Variants in LYZL4 observed in about 807,000 individuals in gnomAD.
LYZL4 encodes lysozyme like 4, also known as lysozyme-like protein 4.
LYZL4 carries 13 observed loss-of-function variants against 17.6 expected under a neutral mutation model. The ratio of observed to expected loss-of-function variants is 0.74; its 90% confidence interval spans 0.48 to 1.18. LYZL4 has a LOEUF of 1.18. Ranked by LOEUF, LYZL4 falls within the 50% of genes most tolerant of loss-of-function variation. LYZL4 has a pLI of 0.00. For missense variants in LYZL4, 174 were observed against 188.2 expected (o/e 0.92, Z 0.44); for synonymous variants, 64 against 67.7 (o/e 0.95, Z 0.27).
the LYZL4 span, among the ~76,000 whole-genome samples, chr3:42,371,951 C>A: frequency 6.6e-6 from 1 of 152,208 alleles, no homozygotes; most frequent in Non-Finnish European, 1.5e-5. Flanking sequence ...CGTTCCTGTG[C>A]CAACCTCCAC....
At chr3:42,379,259 C>A in the LYZL4 span, among the ~76,000 whole-genome samples, 1 of 152,188 alleles carries the variant, frequency 6.6e-6, no homozygotes, top group Non-Finnish European at 1.5e-5. Context: ...GCTGTTCATT[C>A]TTCTCCACTT....
the LYZL4 span, among the ~76,000 whole-genome samples, chr3:42,390,609 C>T: frequency 1.1e-4 from 16 of 151,820 alleles, no homozygotes; most frequent in Non-Finnish European, 2.1e-4. Context: ...GGCACGATCT[C>T]GGCTCACTGA....
chr3:42,365,151 C>T, the LYZL4 span, among the ~76,000 whole-genome samples: 2 of 152,038 alleles, frequency 1.3e-5, no homozygotes, highest in Non-Finnish European at 2.9e-5. Flanking sequence ...TTGGATAAAC[C>T]AGCTATAAAG....
At chr3:42,399,803 C>T (rs746402357) in intron 4 of LYZL4, among the ~76,000 whole-genome samples, 1 of 152,138 alleles carries the variant, frequency 6.6e-6, no homozygotes, top group Non-Finnish European at 1.5e-5. Flanking sequence ...AGTTTTTCAA[C>T]GAGCACATAG....
chr3:42,373,716 C>T, the LYZL4 span, among the ~76,000 whole-genome samples: 1 of 152,134 alleles, frequency 6.6e-6, no homozygotes, highest in Non-Finnish European at 1.5e-5. Context: ...CAGAAAGTGG[C>T]TGAATTCTGT....
chr3:42,380,226 T>A, the LYZL4 span, among the ~76,000 whole-genome samples: 1 of 152,232 alleles, frequency 6.6e-6, no homozygotes, highest in Non-Finnish European at 1.5e-5. Context: ...GGGGTCCATG[T>A]CTGCATTTCA....
At chr3:42,372,196 T>C in the LYZL4 span, among the ~76,000 whole-genome samples, 2 of 152,166 alleles carry the variant, frequency 1.3e-5, no homozygotes, top group Non-Finnish European at 2.9e-5. Flanking sequence ...GTGAGCATCA[T>C]GTGATGGGAT....
At chr3:42,387,565 TC>T in the LYZL4 span, among the ~76,000 whole-genome samples, 1 of 151,574 alleles carries the variant, frequency 6.6e-6, no homozygotes, top group African/African-American at 2.4e-5. Flanking sequence ...ACATGCCGCC[TC>T]CCCCCAACCC....
the LYZL4 span, among the ~76,000 whole-genome samples, chr3:42,381,042 A>G: frequency 6.6e-6 from 1 of 152,056 alleles, no homozygotes; most frequent in African/African-American, 2.4e-5. Flanking sequence ...AAAGTGAAAA[A>G]CTCAATGTTG....
At chr3:42,367,875 C>A in the LYZL4 span, among the ~76,000 whole-genome samples, 1 of 152,146 alleles carries the variant, frequency 6.6e-6, no homozygotes, top group African/African-American at 2.4e-5. Context: ...GAACACCCAA[C>A]AAAGCATAAG....
chr3:42,380,864 G>C, the LYZL4 span, among the ~76,000 whole-genome samples: 1 of 152,228 alleles, frequency 6.6e-6, no homozygotes, highest in African/African-American at 2.4e-5. Flanking sequence ...TTGGCCCCAT[G>C]GTTGATGTCT....
the LYZL4 span, among the ~76,000 whole-genome samples, chr3:42,382,527 G>GC: frequency 3.9e-5 from 6 of 152,034 alleles, no homozygotes; most frequent in Admixed American, 3.9e-4. Context: ...TGTATACCAT[G>GC]CACTGGGGAC....
intron 1 of LYZL4, 141 bp from the exon 2 acceptor site, chr3:42,407,484 T>C: frequency 1.8e-6 from 1 of 569,356 alleles, no homozygotes; most frequent in Non-Finnish European, 3.1e-6. Context: ...CTGCCCCTTC[T>C]CCTCCTCTTG....
chr3:42,367,862 T>G, the LYZL4 span, among the ~76,000 whole-genome samples: 1 of 152,344 alleles, frequency 6.6e-6, no homozygotes, highest in East Asian at 1.9e-4. Flanking sequence ...TATGTAATAT[T>G]TGGAACACCC....
downstream of LYZL4, among the ~76,000 whole-genome samples, chr3:42,392,140 G>C (rs1698489802): frequency 1.3e-5 from 2 of 152,106 alleles, no homozygotes; most frequent in African/African-American, 4.8e-5. Flanking sequence ...CCAAAGTGTT[G>C]GCATTACAGG....
At chr3:42,361,921 C>T in the LYZL4 span, among the ~76,000 whole-genome samples, 28 of 152,304 alleles carry the variant, frequency 1.8e-4, no homozygotes, top group African/African-American at 6.3e-4. Flanking sequence ...ACACCATTAT[C>T]ACCCAAGGTC....
At chr3:42,390,109 C>G in the LYZL4 span, among the ~76,000 whole-genome samples, 1 of 152,286 alleles carries the variant, frequency 6.6e-6, no homozygotes, top group Non-Finnish European at 1.5e-5. Flanking sequence ...TGGGAGGTAG[C>G]TAATGATTTG....
the LYZL4 span, among the ~76,000 whole-genome samples, chr3:42,372,820 G>A: frequency 6.6e-6 from 1 of 152,216 alleles, no homozygotes; most frequent in Non-Finnish European, 1.5e-5. Context: ...GCATGGGAAA[G>A]ATCACTGTGG....
the LYZL4 span, among the ~76,000 whole-genome samples, chr3:42,380,936 A>T: frequency 6.6e-6 from 1 of 152,260 alleles, no homozygotes; most frequent in Non-Finnish European, 1.5e-5. Flanking sequence ...ATGGAATGTT[A>T]GCCGCTGTGG....
Sources: gnomAD v4.1 joint callset for allele counts (sites outside exome capture counted in the v4.1 genomes callset) on GRCh38, gnomAD v4.1.1 for gene constraint, MANE v1.5 for transcripts, NCBI Gene and HGNC (gene_info 2026-07-23, HGNC 2026-07-21) for gene names.